The following ZNF398 variants were observed in gnomAD, a reference collection of about 807,000 sequenced individuals.
ZNF398 encodes the protein zinc finger protein 398.
ZNF398 carries 18 observed loss-of-function variants against 41.9 expected under a neutral mutation model. The observed-to-expected ratio is 0.43, with a 90% CI of 0.30 to 0.64. ZNF398 has a LOEUF of 0.64. Among genes scored for constraint, ZNF398 ranks in the 30% least tolerant of loss-of-function variants. The pLI, the probability that ZNF398 is intolerant of heterozygous loss-of-function variation, is 0.14. For synonymous variants in ZNF398, 260 were observed against 308.8 expected, an observed-to-expected ratio of 0.84 and a Z score of 1.66; for missense variants, 669 against 822.8, an observed-to-expected ratio of 0.81 and a Z score of 2.29.
intron 4 of ZNF398, among the ~76,000 whole-genome samples, chr7:149,174,884 A>G (rs1480798304): frequency 6.6e-6 from 1 of 152,116 alleles, no homozygotes; most frequent in Non-Finnish European, 1.5e-5. Flanking sequence ...TCCTCTGGAT[A>G]TCGGTTCAGA....
intron 2 of ZNF398, among the ~76,000 whole-genome samples, chr7:149,132,157 A>G (rs1257844527): frequency 6.6e-6 from 1 of 150,782 alleles, no homozygotes; most frequent in South Asian, 2.1e-4. Context: ...GGTTATATCA[A>G]TTTATTACTC....
At chr7:149,159,851 G>A (rs974182711) in intron 2 of ZNF398, among the ~76,000 whole-genome samples, 1 of 151,832 alleles carries the variant, frequency 6.6e-6, no homozygotes. Context: ...TCTCAGTCCC[G>A]AGTAGCTGGG....
upstream of ZNF398, among the ~76,000 whole-genome samples, chr7:149,143,389 A>T (rs1354804101): frequency 6.6e-6 from 1 of 152,262 alleles, no homozygotes; most frequent in Non-Finnish European, 1.5e-5. Context: ...ATGTGCCATC[A>T]GTGTATTTTT....
intron 2 of ZNF398, among the ~76,000 whole-genome samples, chr7:149,135,389 C>CAAAAAA (rs777888671): frequency 1.8e-4 from 11 of 61,408 alleles, no homozygotes; most frequent in Admixed American, 4.3e-4. Flanking sequence ...GACTCTGTCT[C>CAAAAAA]AAAAAAAAAA....
At chr7:149,130,109 T>G (rs1251435751) in intron 2 of ZNF398, among the ~76,000 whole-genome samples, 3 of 152,060 alleles carry the variant, frequency 2.0e-5, no homozygotes, top group Admixed American at 1.3e-4. Flanking sequence ...TATTTATTTA[T>G]TTTTGAGATG....
At chr7:149,166,761 G>C in intron 3 of ZNF398, 56 bp from the exon 4 acceptor site, 2 of 1,280,262 alleles carry the variant, frequency 1.6e-6, no homozygotes, top group Non-Finnish European at 2.2e-6. Context: ...ATGGCAATTA[G>C]TTGTCATCCT....
chr7:149,157,541 AAAG>A (rs1325531413), intron 2 of ZNF398, among the ~76,000 whole-genome samples: 37 of 147,066 alleles, frequency 2.5e-4, no homozygotes, highest in Non-Finnish European at 4.3e-4. Context: ...AAAAAAAAAA[AAAG>A]AAAATCCAGG....
intron 2 of ZNF398, among the ~76,000 whole-genome samples, chr7:149,159,117 T>C (rs1339274314): frequency 1.3e-5 from 2 of 151,318 alleles, no homozygotes; most frequent in Non-Finnish European, 2.9e-5. Context: ...TAGCTGAGAT[T>C]ACAGGTGTGT....
intron 2 of ZNF398, among the ~76,000 whole-genome samples, chr7:149,134,168 A>T (rs1048036017): frequency 4.6e-5 from 6 of 129,524 alleles, no homozygotes; most frequent in Admixed American, 3.9e-4. Context: ...AGGTTCAAGC[A>T]ATTCTCCTGC....
chr7:149,160,899 A>G (rs1291600150), intron 2 of ZNF398, among the ~76,000 whole-genome samples: 1 of 150,862 alleles, frequency 6.6e-6, no homozygotes, highest in Non-Finnish European at 1.5e-5. Flanking sequence ...GCACTTAGTA[A>G]ACAGTAAAGA....
At chr7:149,172,431 A>G (rs1448831908) in intron 4 of ZNF398, among the ~76,000 whole-genome samples, 5 of 152,094 alleles carry the variant, frequency 3.3e-5, no homozygotes, top group Non-Finnish European at 7.3e-5. Flanking sequence ...TGCAGTGCTT[A>G]TGTTAAGTAC....
chr7:149,159,879 C>T (rs1440507211), intron 2 of ZNF398, among the ~76,000 whole-genome samples: 4 of 151,934 alleles, frequency 2.6e-5, no homozygotes, highest in Admixed American at 2.6e-4. Flanking sequence ...GCATGCACCA[C>T]CATGCCTGGC....
intron 2 of ZNF398, 33 bp downstream of exon 2, chr7:149,154,373 C>A (rs1407400446): frequency 6.4e-7 from 1 of 1,550,780 alleles, no homozygotes; most frequent in South Asian, 1.2e-5. Context: ...TAAAGTGGTA[C>A]CACTAGAACT....
intron 2 of ZNF398, among the ~76,000 whole-genome samples, chr7:149,141,896 A>G (rs1826834531): frequency 6.6e-6 from 1 of 152,180 alleles, no homozygotes; most frequent in Non-Finnish European, 1.5e-5. Flanking sequence ...GCCCTAATCC[A>G]CAGACTTTAG....
At position 149,182,475 on chromosome 7, in the gene ZNF398, A is replaced by G. The variant is rs1299923308; in HGVS notation, c.*2674A>G. 2 of 152,250 alleles carry G rather than the reference A, an allele frequency of 1.3e-5. No homozygotes were observed. The highest frequency in any genetic ancestry group is 2.9e-5 in the Non-Finnish European group (2 of 68,038). The allele number at this position is 152,250 out of a possible 1,614,324, so 9.4% of individuals were successfully genotyped here. A position where few individuals can be genotyped will look rare whatever the true frequency, so the allele number is the denominator to read the frequency against. On this transcript the variant is annotated 3_prime_UTR_variant, in exon 6 of 6. Coordinates refer to ENST00000475153, the MANE Select transcript of ZNF398 (RefSeq NM_170686.3). ...AGGTGTCCAACAGAAAGTGTGGAGG[A>G]GAAACTCTTGGCCTATCAAGTGCTC...
At chr7:149,171,766 A>G (rs773611544) in intron 4 of ZNF398, among the ~76,000 whole-genome samples, 5 of 150,014 alleles carry the variant, frequency 3.3e-5, no homozygotes, top group Non-Finnish European at 7.4e-5. Flanking sequence ...TCCGCCTCCC[A>G]GGTTCAAGTG....
chr7:149,143,584 T>G (rs1181267926), upstream of ZNF398, among the ~76,000 whole-genome samples: 1 of 152,092 alleles, frequency 6.6e-6, no homozygotes, highest in Non-Finnish European at 1.5e-5. Flanking sequence ...GAGGCCGAGG[T>G]GGGCAGATCA....
At chr7:149,146,611 G>A (rs1826948361), upstream of ZNF398, among the ~76,000 whole-genome samples, 2 of 152,034 alleles carry the variant, frequency 1.3e-5, no homozygotes, top group East Asian at 2.0e-4. Flanking sequence ...CACTTTGGGA[G>A]GCCAAGGCGG....
intron 1 of ZNF398, among the ~76,000 whole-genome samples, chr7:149,150,697 C>T (rs1827088228): frequency 1.0e-5 from 1 of 100,444 alleles, no homozygotes; most frequent in Non-Finnish European, 2.1e-5. Context: ...TTCTTCCCCG[C>T]CTCCCGCGCC....
Sources: gnomAD v4.1 joint callset for allele counts (sites outside exome capture counted in the v4.1 genomes callset) on GRCh38, gnomAD v4.1.1 for gene constraint, MANE v1.5 for transcripts, NCBI Gene and HGNC (gene_info 2026-07-23, HGNC 2026-07-21) for gene names.